Variants in INTS2 observed in about 807,000 individuals in gnomAD.
INTS2 encodes the protein integrator complex subunit 2, also known as KIAA1287.
Under a neutral mutation model 139.6 loss-of-function variants are expected in INTS2, and 57 were observed. The ratio of observed to expected loss-of-function variants is 0.41; its 90% CI spans 0.33 to 0.51. The LOEUF (loss-of-function observed/expected upper bound fraction) is 0.51, where lower values mean the gene tolerates loss of function less well. Ranked by LOEUF, INTS2 falls within the 20% of genes least tolerant of loss-of-function variation. The probability of loss-of-function intolerance (pLI) is 0.28; values close to 1 mark genes in which losing one functional copy is unlikely to be tolerated. For missense variants in INTS2, 1,196 were observed against 1,436.7 expected (o/e 0.83, Z 2.71); for synonymous variants, 473 against 493.4 (o/e 0.96, Z 0.55).
In INTS2 at chr17:61,904,441, A is replaced by AACTT; in HGVS notation, c.1307+15_1307+18dup. The stretch of plus-strand genomic sequence containing the variant: ...AAAGTAAACCTTGAGAAAATGGAGC[A>AACTT]ACTTATATAGTTAGGTACCTGACAA... On this transcript the variant is annotated intron_variant, in intron 9 of 24. Coordinates refer to ENST00000251334, the MANE Select transcript of INTS2 (RefSeq NM_001351695.2). 2 of 1,547,134 alleles carry AACTT rather than the reference A, an allele frequency of 1.3e-6. No individual in the cohort carries two copies. Among genetic ancestry groups the AACTT allele is most frequent in the Non-Finnish European group, 1.8e-6 (2 of 1,138,810 alleles).
intron 15 of INTS2, among the ~76,000 whole-genome samples, chr17:61,886,623 G>C (rs2079231457): frequency 6.6e-6 from 1 of 152,134 alleles, no homozygotes; most frequent in Non-Finnish European, 1.5e-5. Context: ...ACAGAGTAAA[G>C]GTCCTTGCCA....
chr17:61,880,497 A>C (rs2079168101), intron 17 of INTS2, among the ~76,000 whole-genome samples: 1 of 152,056 alleles, frequency 6.6e-6, no homozygotes, highest in African/African-American at 2.4e-5. Flanking sequence ...TCACACCTTA[A>C]TCCTAGCACT....
rs1465242057 is a variant in INTS2 at position 61,893,813 on chromosome 17, G to A, written c.1650C>T (p.Tyr550=). ...TAAAGGAACGGCTCCTGAGAAGCTG[G>A]TAAATACAATGAATAGGCAAAAATC... ...ITGFLPIHCI[Y]QLLRSRSFTK... The change falls in exon 13 of 25, where the codon TAC becomes TAT. Residue 550 remains tyrosine (Y), a synonymous_variant. Transcript: ENST00000251334. This position sits in a 1 kb window ranked among gnomAD's most constrained non-coding sequence, Gnocchi z 5.4. 2 of 1,586,990 alleles carry A rather than the reference G, an allele frequency of 1.3e-6. No individual in the cohort carries two copies. The highest frequency in any genetic ancestry group is 1.2e-5 in the South Asian group (1 of 86,878).
At position 61,867,095 on chromosome 17, in the gene INTS2, TA is replaced by T. The variant is rs2079051876; in HGVS notation, c.*461del. On this transcript the variant is annotated 3_prime_UTR_variant, in exon 25 of 25. Coordinates refer to ENST00000251334, the MANE Select transcript of INTS2 (RefSeq NM_001351695.2). This position sits in a 1 kb window ranked among gnomAD's most constrained non-coding sequence, Gnocchi z 5.6. ...TTCTACTTGTGTTTTTAACTCCTATTATTTCCTTAATTCTCCTTTCCCTTTA... is the reference window on the plus strand; with the variant it reads ...TTCTACTTGTGTTTTTAACTCCTATTTTTCCTTAATTCTCCTTTCCCTTTA... The T allele has an allele frequency of 1.3e-5, 2 of 152,268 alleles. No homozygotes were observed. The highest frequency in any genetic ancestry group is 4.1e-4 in the South Asian group (2 of 4,832). 9.4% of individuals were successfully genotyped at this position (152,268 alleles called of 1,614,324 possible). A position where few individuals can be genotyped will look rare whatever the true frequency, so the allele number is the denominator to read the frequency against.
chr17:61,897,416 G>T lies in INTS2; in HGVS notation c.1494+53C>A, dbSNP rs1403900507. 3 of 1,038,184 alleles carry T rather than the reference G, an allele frequency of 2.9e-6. No individual in the cohort carries two copies. The highest frequency in any genetic ancestry group is 3.3e-5 in the African/African-American group (2 of 61,452). 64.3% of individuals were successfully genotyped at this position (1,038,184 alleles called of 1,614,324 possible). A position where few individuals can be genotyped will look rare whatever the true frequency, so the allele number is the denominator to read the frequency against. ...CAATCTATTTACACTACAACAAAAT[G>T]TCCAGCTTAGAAACACCTTTTTTTT... On this transcript the variant is annotated intron_variant, in intron 11 of 24. Transcript: ENST00000251334. The surrounding 1 kb of genome is among the most constrained non-coding windows in gnomAD (Gnocchi z 4.4).
intron 9 of INTS2, among the ~76,000 whole-genome samples, chr17:61,903,759 T>C (rs974048735): frequency 2.0e-5 from 3 of 151,844 alleles, no homozygotes; most frequent in African/African-American, 7.3e-5. Context: ...ATAACAACTA[T>C]ATATTGATCT....
Position 61,907,618 on chromosome 17 carries a change from C to G in INTS2, c.971G>C (p.Ser324Thr), listed in dbSNP as rs201091134. The G allele has an allele frequency of 2.1e-4, 327 of 1,583,126 alleles. No homozygotes were observed. Among genetic ancestry groups the G allele is most frequent in the Middle Eastern group, 8.5e-4 (5 of 5,900 alleles). ...RNGQQRKRET[S>T]SSVLWQMRRQ... The stretch of plus-strand genomic sequence containing the variant: ...TCTCATCTGCCAAAGGACAGAACTG[C>G]TGGTCTCTCTTTTTCTCTGAAAGAA... Residue 324 changes from serine to threonine, a missense_variant, in exon 8 of 25, where the codon AGC (serine) becomes ACC (threonine). By Grantham distance (58) the Ser-to-Thr change is moderately conservative (BLOSUM62 1). Around this residue, in one of 3 missense-constraint regions of INTS2, gnomAD observed 1,129 missense variants for 1,341.9 expected, o/e 0.84. Coordinates refer to ENST00000251334, the MANE Select transcript of INTS2 (RefSeq NM_001351695.2).
chr17:61,926,666 A>G lies in INTS2; in HGVS notation c.-18-4T>C, dbSNP rs1308382942. ...TCATTATTACTGTTTGTTGATCCTAATGGTAAAAATACAAATGAAAGTAGG... is the reference window on the plus strand; with the variant it reads ...TCATTATTACTGTTTGTTGATCCTAGTGGTAAAAATACAAATGAAAGTAGG... On this transcript the variant is annotated splice_region_variant and splice_polypyrimidine_tract_variant and intron_variant, in intron 1 of 24. Transcript: ENST00000251334. The G allele has an allele frequency of 6.3e-7, 1 of 1,590,268 alleles. No homozygotes were observed. Among genetic ancestry groups the G allele is most frequent in the South Asian group, 1.1e-5 (1 of 87,948 alleles).
At chr17:61,874,829 T>G in intron 19 of INTS2, 84 bp downstream of exon 19, 1 of 1,146,152 alleles carries the variant, frequency 8.7e-7, no homozygotes, top group South Asian at 2.8e-5. Flanking sequence ...AATTAAAATA[T>G]AAGTTTAAAC....
chr17:61,884,827 A>G, intron 16 of INTS2, 74 bp downstream of exon 16: 4 of 894,246 alleles, frequency 4.5e-6, no homozygotes, highest in Non-Finnish European at 7.1e-6. Context: ...AGCACCTATT[A>G]CACTTCATAA....
chr17:61,876,462 GTTTCT>G lies in INTS2; in HGVS notation c.2456+1420_2456+1424del, dbSNP rs1335159481. 2.0e-5 allele frequency among the ~76,000 whole-genome samples: 3 copies of G among 151,778 alleles called. No homozygotes were observed. The highest frequency in any genetic ancestry group is 4.4e-5 in the Non-Finnish European group (3 of 67,938). ...ATGTCTCCAAGAAAAAAAAAATAGT[GTTTCT>G]TTTGTTTTTTTTTGAGACAGGGTTT... On this transcript the variant is annotated intron_variant, in intron 18 of 24. Transcript: ENST00000251334. The surrounding 1 kb of genome is among the most constrained non-coding windows in gnomAD (Gnocchi z 4.1).
intron 19 of INTS2, 40 bp downstream of exon 19, chr17:61,874,873 T>G: frequency 6.8e-7 from 1 of 1,474,820 alleles, no homozygotes; most frequent in Non-Finnish European, 9.0e-7. Context: ...CTCTCCAAAG[T>G]ACAGCTCTAT....
At position 61,893,765 on chromosome 17, in the gene INTS2, T is replaced by C. The variant is rs763049645; in HGVS notation, c.1698A>G (p.Lys566=). The change falls in exon 13 of 25, where the codon AAA becomes AAG. Residue 566 remains lysine (K), a splice_region_variant and synonymous_variant. Coordinates refer to ENST00000251334, the MANE Select transcript of INTS2 (RefSeq NM_001351695.2). The surrounding 1 kb of genome is among the most constrained non-coding windows in gnomAD (Gnocchi z 5.4). The stretch of plus-strand genomic sequence containing the variant: ...TTTTGTTTTATTTGTAGGGGCATAC[T>C]TTTATTGACACTTTGTGCTTGGTAA... ...RSFTKHKVSI[K]DWIYRQLCET... is the part of the protein sequence containing the mutation. 6.3e-7 allele frequency: 1 copy of C among 1,578,440 alleles called. No individual in the cohort carries two copies. The highest frequency in any genetic ancestry group is 8.6e-7 in the Non-Finnish European group (1 of 1,160,654).
chr17:61,897,430 C>CA lies in INTS2; in HGVS notation c.1494+38dup. 2 of 1,216,360 alleles carry CA rather than the reference C, an allele frequency of 1.6e-6. No homozygotes were observed. The highest frequency in any genetic ancestry group is 3.1e-5 in the African/African-American group (2 of 64,940). The allele number at this position is 1,216,360 out of a possible 1,614,324, so 75.3% of individuals were successfully genotyped here. A position where few individuals can be genotyped will look rare whatever the true frequency, so the allele number is the denominator to read the frequency against. ...TACAACAAAATGTCCAGCTTAGAAACACCTTTTTTTTTTTAGAAAGAAGTT... is the reference window on the plus strand; with the variant it reads ...TACAACAAAATGTCCAGCTTAGAAACAACCTTTTTTTTTTTAGAAAGAAGTT... On this transcript the variant is annotated intron_variant, in intron 11 of 24. Transcript: ENST00000251334. The surrounding 1 kb of genome is among the most constrained non-coding windows in gnomAD (Gnocchi z 4.4).
At chr17:61,879,401 C>T (rs2145910562) in intron 17 of INTS2, among the ~76,000 whole-genome samples, 1 of 152,258 alleles carries the variant, frequency 6.6e-6, no homozygotes, top group East Asian at 1.9e-4. Context: ...CCAATAACAA[C>T]TAACCACATC....
chr17:61,921,124 T>A (rs2143165675), intron 4 of INTS2: 1 of 152,276 alleles, frequency 6.6e-6, no homozygotes. Flanking sequence ...TTCACACCTA[T>A]TATATACAAT....
Position 61,872,359 on chromosome 17 carries a change from C to G in INTS2, c.2684G>C (p.Arg895Thr). ...SAHLKETEQDRPSQNNTIGLV... is the reference protein window; with the variant it reads ...SAHLKETEQDTPSQNNTIGLV... The stretch of plus-strand genomic sequence containing the variant: ...ACCAATTGTATTATTCTGGGAAGGC[C>G]TATCTTGCTCTGTTTCCTTCAGATG... Residue 895 changes from arginine to threonine, a missense_variant, in exon 20 of 25, where the codon AGG (arginine) becomes ACG (threonine). Around this residue, in one of 3 missense-constraint regions of INTS2, gnomAD observed 1,129 missense variants for 1,341.9 expected, o/e 0.84. Transcript: ENST00000251334. This position sits in a 1 kb window ranked among gnomAD's most constrained non-coding sequence, Gnocchi z 4.8. The G allele has an allele frequency of 6.2e-7, 1 of 1,612,728 alleles. No homozygotes were observed. The highest frequency in any genetic ancestry group is 8.5e-7 in the Non-Finnish European group (1 of 1,178,944).
rs758101465 is a variant in INTS2 at position 61,927,943 on chromosome 17, A to T, written c.-308T>A. The T allele has an allele frequency of 1.2e-6, 2 of 1,613,952 alleles. No homozygotes were observed. Among genetic ancestry groups the T allele is most frequent in the East Asian group, 4.5e-5 (2 of 44,880 alleles). On this transcript the variant is annotated 5_prime_UTR_variant, in exon 1 of 25. The change abolishes an upstream ATG in the 5' untranslated region. Coordinates refer to ENST00000251334, the MANE Select transcript of INTS2 (RefSeq NM_001351695.2). The stretch of plus-strand genomic sequence containing the variant: ...CAACCTGCACCCAGCACCTTCATTC[A>T]TCCCCAGCGTCTGACTCCCGTCGGC...
chr17:61,886,330 T>C (rs901656466), intron 15 of INTS2, among the ~76,000 whole-genome samples: 4 of 152,210 alleles, frequency 2.6e-5, no homozygotes, highest in Non-Finnish European at 5.9e-5. Flanking sequence ...GCGTGAGCCA[T>C]CATATCTGGC....
Sources: gnomAD v4.1 joint callset for allele counts (sites outside exome capture counted in the v4.1 genomes callset) on GRCh38, gnomAD v4.1.1 for gene constraint, gnomAD v4.1.1 regional missense constraint, Gnocchi (gnomAD v3.1) non-coding constraint, MANE v1.5 for transcripts, NCBI Gene and HGNC (gene_info 2026-07-23, HGNC 2026-07-21) for gene names.